The following SUGCT variants were observed in gnomAD, a reference collection of about 807,000 sequenced individuals.
SUGCT encodes the protein succinyl-CoA:glutarate CoA-transferase.
A neutral mutation model predicts 55.0 loss-of-function variants in SUGCT; 41 were observed. The ratio of observed to expected loss-of-function variants is 0.74; its 90% CI spans 0.58 to 0.97. The LOEUF (loss-of-function observed/expected upper bound fraction) is 0.97, where lower values mean the gene tolerates loss of function less well. SUGCT is among the 50% of genes least tolerant of loss of function. The pLI is 0.00. For synonymous variants in SUGCT, 187 were observed against 200.4 expected, an observed-to-expected ratio of 0.93 and a Z score of 0.56; for missense variants, 568 against 547.8, an observed-to-expected ratio of 1.04 and a Z score of -0.37.
intron 7 of SUGCT, among the ~76,000 whole-genome samples, chr7:40,258,977 G>A (rs1471293370): frequency 6.6e-6 from 1 of 152,188 alleles, no homozygotes; most frequent in Admixed American, 6.6e-5. Context: ...ATACTATTCA[G>A]CCTTAGAAAA....
chr7:40,828,137 A>G (rs545802066), intron 13 of SUGCT, among the ~76,000 whole-genome samples: 75 of 152,372 alleles, frequency 4.9e-4, no homozygotes, highest in South Asian at 1.9e-3. Flanking sequence ...ACATGAGAGG[A>G]TAGAACAGTA....
At chr7:40,710,758 C>T (rs547603459) in intron 12 of SUGCT, among the ~76,000 whole-genome samples, 2 of 152,122 alleles carry the variant, frequency 1.3e-5, no homozygotes, top group African/African-American at 4.8e-5. Flanking sequence ...AGATCAACCC[C>T]AGGGCTCATC....
At chr7:40,431,238 G>C (rs1329328182) in intron 9 of SUGCT, among the ~76,000 whole-genome samples, 1 of 151,434 alleles carries the variant, frequency 6.6e-6, no homozygotes, top group African/African-American at 2.4e-5. Context: ...AAAATTAGTT[G>C]ACAGCATATG....
rs879543359 is a variant in SUGCT, at chr7:40,577,414, A to AT, written c.1089+81040dup. Reference sequence around the variant, plus strand: ...TCTTGCAAATCTCGTATTTTCCTGGATTTTTTTTTTTTATGGCATGTTGGG... The same window carrying AT: ...TCTTGCAAATCTCGTATTTTCCTGGATTTTTTTTTTTTTATGGCATGTTGGG... On this transcript the variant is annotated intron_variant, in intron 12 of 13. Transcript: ENST00000335693. 4.1e-3 allele frequency among the ~76,000 whole-genome samples: 590 copies of AT among 145,412 alleles called. 6 individuals carry two copies. Among genetic ancestry groups the AT allele is most frequent in the East Asian group, 0.032 (160 of 5,004 alleles).
intron 13 of SUGCT, among the ~76,000 whole-genome samples, chr7:40,823,641 A>G (rs1411236295): frequency 6.6e-6 from 1 of 152,190 alleles, no homozygotes; most frequent in Non-Finnish European, 1.5e-5. Flanking sequence ...ATCCTTGAGT[A>G]GAAAATGGAC....
intron 7 of SUGCT, among the ~76,000 whole-genome samples, chr7:40,268,653 A>AT (rs200344717): frequency 0.19 from 27,124 of 146,452 alleles, 2,574 homozygotes; most frequent in Middle Eastern, 0.24. Flanking sequence ...CTTGTTTTTA[A>AT]TTTTTTTTTT....
chr7:40,242,933 A>ATATATATATATATATATGTATATTTTT (rs1270335224), intron 7 of SUGCT, among the ~76,000 whole-genome samples: 1 of 17,204 alleles, frequency 5.8e-5, no homozygotes, highest in African/African-American at 1.5e-4. Flanking sequence ...ATATATATAT[A>ATATATATATATATATATGTATATTTTT]TTTTTTTTTT....
At chr7:40,607,374 A>C (rs1798579775) in intron 12 of SUGCT, among the ~76,000 whole-genome samples, 2 of 152,256 alleles carry the variant, frequency 1.3e-5, no homozygotes, top group South Asian at 4.2e-4. Context: ...AAGTGCTGGG[A>C]TTACAGGTGT....
At chr7:40,675,683 G>A (rs1441509793) in intron 12 of SUGCT, among the ~76,000 whole-genome samples, 2 of 152,268 alleles carry the variant, frequency 1.3e-5, no homozygotes, top group East Asian at 1.9e-4. Context: ...AGGTGCTTTC[G>A]GCTGCAAATG....
At chr7:40,249,864 G>A (rs967412914) in intron 7 of SUGCT, among the ~76,000 whole-genome samples, 2 of 152,046 alleles carry the variant, frequency 1.3e-5, no homozygotes, top group Non-Finnish European at 2.9e-5. Flanking sequence ...TCGGCTCACC[G>A]CAACCTCTGC....
At chr7:40,760,884 T>A (rs1788494504) in intron 13 of SUGCT, among the ~76,000 whole-genome samples, 2 of 152,144 alleles carry the variant, frequency 1.3e-5, no homozygotes. Flanking sequence ...TAAATAATAA[T>A]AAATGTCCAG....
intron 7 of SUGCT, among the ~76,000 whole-genome samples, chr7:40,267,668 T>A (rs769865452): frequency 5.9e-5 from 9 of 152,174 alleles, no homozygotes; most frequent in Non-Finnish European, 1.0e-4. Flanking sequence ...GGGTTGTACC[T>A]TGTAGATACA....
chr7:40,170,509 A>C (rs1584246267), intron 1 of SUGCT, among the ~76,000 whole-genome samples: 1 of 152,176 alleles, frequency 6.6e-6, no homozygotes, highest in East Asian at 1.9e-4. Flanking sequence ...TTTCTATCTG[A>C]AAAAAGAACA....
chr7:40,196,684 A>T (rs529038337), intron 6 of SUGCT, among the ~76,000 whole-genome samples: 173 of 152,232 alleles, frequency 1.1e-3, no homozygotes, highest in Admixed American at 1.8e-3. Flanking sequence ...ACTAGCCACC[A>T]CACCCGGGTA....
chr7:40,980,026 G>A, the SUGCT span: 1 of 152,254 alleles, frequency 6.6e-6, no homozygotes, highest in African/African-American at 2.4e-5. Context: ...AGTTCTGGAG[G>A]CTAGAAAGTC....
At chr7:40,144,239 G>A (rs1052704461) in intron 1 of SUGCT, among the ~76,000 whole-genome samples, 4 of 152,206 alleles carry the variant, frequency 2.6e-5, no homozygotes, top group African/African-American at 9.7e-5. Flanking sequence ...AGTCCCCACA[G>A]GGTATAACAA....
At chr7:40,657,745 A>G (rs867591789) in intron 12 of SUGCT, among the ~76,000 whole-genome samples, 4 of 152,280 alleles carry the variant, frequency 2.6e-5, no homozygotes, top group Middle Eastern at 3.4e-3. Flanking sequence ...CATGTTGGCC[A>G]CGCTGATCTT....
chr7:40,195,808 G>A (rs7808529), intron 6 of SUGCT, among the ~76,000 whole-genome samples: 76,352 of 148,032 alleles, frequency 0.52, 20,066 homozygotes, highest in Middle Eastern at 0.66. Context: ...TCTGCCCCTA[G>A]GTTCAAAGGA....
chr7:40,389,064 G>A (rs1398316182), intron 9 of SUGCT, among the ~76,000 whole-genome samples: 1 of 152,148 alleles, frequency 6.6e-6, no homozygotes, highest in African/African-American at 2.4e-5. Context: ...TTGTAAGAAA[G>A]AGTATTTGTT....
Sources: allele counts gnomAD v4.1 joint callset (sites outside exome capture counted in the v4.1 genomes callset), GRCh38; gene constraint gnomAD v4.1.1; transcripts MANE v1.5; gene names NCBI Gene and HGNC (gene_info 2026-07-23, HGNC 2026-07-21).